Variants in CHCHD3 observed in about 807,000 individuals in gnomAD.
CHCHD3 encodes coiled-coil-helix-coiled-coil-helix domain containing 3.
In CHCHD3, 20 loss-of-function variants were observed where a neutral mutation model predicts 38.2. The ratio of observed to expected loss-of-function variants is 0.52; its 90% CI spans 0.37 to 0.76. The LOEUF is 0.76. CHCHD3 is among the 30% of genes least tolerant of loss of function. The probability of loss-of-function intolerance (pLI) is 0.00; values close to 1 mark genes in which losing one functional copy is unlikely to be tolerated. For missense variants in CHCHD3, 245 were observed against 279.2 expected, an observed-to-expected ratio of 0.88 and a Z score of 0.87; for synonymous variants, 82 against 100.0, an observed-to-expected ratio of 0.82 and a Z score of 1.07.
At chr7:133,018,703 GT>G (rs1813092553) in intron 3 of CHCHD3, among the ~76,000 whole-genome samples, 2 of 151,968 alleles carry the variant, frequency 1.3e-5, no homozygotes, top group South Asian at 4.2e-4. Flanking sequence ...GATAATTTAA[GT>G]TTTTATTTTA....
chr7:132,881,421 C>T (rs1049383602), intron 5 of CHCHD3, among the ~76,000 whole-genome samples: 3 of 152,074 alleles, frequency 2.0e-5, no homozygotes, highest in Non-Finnish European at 4.4e-5. Flanking sequence ...CTGCATCAAG[C>T]CAATATAAAT....
Position 132,975,228 on chromosome 7 carries a change from T to A in CHCHD3, c.310A>T (p.Arg104Ter). The A allele has an allele frequency of 6.2e-7, 1 of 1,612,876 alleles. No individual in the cohort carries two copies. The highest frequency in any genetic ancestry group is 1.1e-5 in the South Asian group (1 of 91,012). ...ERAAANEQLTRAILRERICSE... is the reference protein window; with the variant it reads ...ERAAANEQLT Reference sequence around the variant, plus strand: ...CATATCCTCTCCCGAAGGATGGCTCTGGTTAACTGCTCATTGGCAGCAGCC... The same window carrying A: ...CATATCCTCTCCCGAAGGATGGCTCAGGTTAACTGCTCATTGGCAGCAGCC... Residue 104 changes from arginine (R) to a stop codon, truncating the protein, a stop_gained, in exon 4 of 8, where the codon AGA becomes TGA. Coordinates refer to ENST00000262570, the MANE Select transcript of CHCHD3 (RefSeq NM_017812.4). LOFTEE classifies it high-confidence loss of function.
chr7:132,926,757 C>T (rs1810388084), intron 4 of CHCHD3, among the ~76,000 whole-genome samples: 1 of 152,082 alleles, frequency 6.6e-6, no homozygotes, highest in Admixed American at 6.5e-5. Context: ...TTCTAGATTA[C>T]TTCTATCTAA....
intron 7 of CHCHD3, among the ~76,000 whole-genome samples, chr7:132,787,707 G>A (rs998557927): frequency 2.6e-5 from 4 of 152,290 alleles, no homozygotes; most frequent in Admixed American, 2.0e-4. Flanking sequence ...ACAAGATGGT[G>A]TATTGGGTCA....
At chr7:133,078,549 A>G (rs1305578022) in intron 1 of CHCHD3, among the ~76,000 whole-genome samples, 1 of 152,170 alleles carries the variant, frequency 6.6e-6, no homozygotes, top group African/African-American at 2.4e-5. Flanking sequence ...AAGGGAATGA[A>G]CCCAAGTCAT....
intron 3 of CHCHD3, among the ~76,000 whole-genome samples, chr7:132,984,899 G>A (rs548702086): frequency 1.0e-5 from 1 of 96,232 alleles, no homozygotes; most frequent in Admixed American, 1.0e-4. Context: ...GGAGGGAGGT[G>A]GGGGGGTCAG....
At chr7:132,930,922 C>G (rs1302775322) in intron 4 of CHCHD3, among the ~76,000 whole-genome samples, 1 of 152,206 alleles carries the variant, frequency 6.6e-6, no homozygotes, top group Non-Finnish European at 1.5e-5. Flanking sequence ...AGTCCCATCT[C>G]CAGGGCCTGA....
At chr7:132,838,702 A>G (rs3807325) in intron 5 of CHCHD3, among the ~76,000 whole-genome samples, 44,555 of 152,170 alleles carry the variant, frequency 0.29, 6,584 homozygotes, top group East Asian at 0.37. Context: ...CACAGTTACA[A>G]TTCCTTATCA....
intron 3 of CHCHD3, among the ~76,000 whole-genome samples, chr7:133,022,899 G>A: frequency 7.2e-6 from 1 of 139,176 alleles, no homozygotes; most frequent in Non-Finnish European, 1.5e-5. Context: ...CAAAAAGCCT[G>A]CACCATATGG....
intron 3 of CHCHD3, among the ~76,000 whole-genome samples, chr7:133,007,312 T>A (rs1315807685): frequency 6.6e-6 from 1 of 152,242 alleles, no homozygotes; most frequent in East Asian, 1.9e-4. Flanking sequence ...ATTGTGCCCA[T>A]GTCTTTAGTT....
At chr7:133,050,633 A>G (rs952012545) in intron 2 of CHCHD3, among the ~76,000 whole-genome samples, 10 of 152,190 alleles carry the variant, frequency 6.6e-5, no homozygotes, top group Admixed American at 6.5e-5. Context: ...AACAACTCCA[A>G]TAAACATAAA....
chr7:133,082,066 G>T lies in CHCHD3; in HGVS notation c.-129C>A. ...AGCGGGAGCAAGGCCACGACCCCCAGAAGCAAGGAGAAGGCGCCGGTCCTG... is the reference window on the plus strand; with the variant it reads ...AGCGGGAGCAAGGCCACGACCCCCATAAGCAAGGAGAAGGCGCCGGTCCTG... On this transcript the variant is annotated 5_prime_UTR_variant, in exon 1 of 8. In the 5' UTR this introduces an upstream ATG that the reference lacks. Coordinates refer to ENST00000262570, the MANE Select transcript of CHCHD3 (RefSeq NM_017812.4). 1.3e-6 allele frequency: 1 copy of T among 779,310 alleles called. No individual in the cohort carries two copies. The highest frequency in any genetic ancestry group is 1.8e-5 in the African/African-American group (1 of 55,090). The allele number at this position is 779,310 out of a possible 1,614,324, so 48.3% of individuals were successfully genotyped here.
In CHCHD3 at chr7:132,844,296, C is replaced by CA. The variant is rs202193528; in HGVS notation, c.454-5828dup. 7.7e-3 allele frequency among the ~76,000 whole-genome samples: 1,166 copies of CA among 151,046 alleles called. 12 individuals are homozygous for CA. The highest frequency in any genetic ancestry group is 0.012 in the Non-Finnish European group (839 of 67,756). On this transcript the variant is annotated intron_variant, in intron 5 of 7. Transcript: ENST00000262570. ...CTTGGCGACAGAGCAAGACCTGTCT[C>CA]AAAAAAAACAAAAAAATGTGGAGAA...
rs550917116 is a variant in CHCHD3 at position 132,950,624 on chromosome 7, A to T, written c.369+24545T>A. 8.8e-4 allele frequency among the ~76,000 whole-genome samples: 134 copies of T among 152,316 alleles called. 2 individuals are homozygous for T. The South Asian group carries it at 0.015, about 17-fold the overall frequency. On this transcript the variant is annotated intron_variant, in intron 4 of 7. Coordinates refer to ENST00000262570, the MANE Select transcript of CHCHD3 (RefSeq NM_017812.4). ...GGAGTTAAGGGTGCTGGCAAACAGCAACTTTAAACATTTTTTTACATTAAA... is the reference window on the plus strand; with the variant it reads ...GGAGTTAAGGGTGCTGGCAAACAGCTACTTTAAACATTTTTTTACATTAAA...
intron 5 of CHCHD3, among the ~76,000 whole-genome samples, chr7:132,862,800 C>CT: frequency 6.6e-6 from 1 of 152,228 alleles, no homozygotes; most frequent in Admixed American, 6.5e-5. Flanking sequence ...TTCACATCAT[C>CT]TTTACCAACA....
At chr7:132,928,836 C>T (rs1810445902) in intron 4 of CHCHD3, among the ~76,000 whole-genome samples, 2 of 152,154 alleles carry the variant, frequency 1.3e-5, no homozygotes, top group Admixed American at 6.5e-5. Flanking sequence ...GTCATCCTTG[C>T]TTTTCTCCGT....
intron 3 of CHCHD3, among the ~76,000 whole-genome samples, chr7:133,008,059 C>A (rs1812749689): frequency 6.6e-6 from 1 of 152,170 alleles, no homozygotes; most frequent in Admixed American, 6.5e-5. Context: ...AAAATTGATT[C>A]TGTTTCTTTC....
intron 2 of CHCHD3, among the ~76,000 whole-genome samples, chr7:133,061,744 C>A (rs1309227525): frequency 6.6e-6 from 1 of 152,202 alleles, no homozygotes; most frequent in African/African-American, 2.4e-5. Flanking sequence ...AATTAAAACC[C>A]ATATTTCAAT....
rs144699933 is a variant in CHCHD3 at position 132,933,818 on chromosome 7, C to G, written c.369+41351G>C. Among the ~76,000 whole-genome samples the G allele has an allele frequency of 1.1e-4, 17 of 152,328 alleles. No individual in the cohort carries two copies. In the South Asian group the frequency reaches 2.9e-3, roughly 26 times the overall value. On this transcript the variant is annotated intron_variant, in intron 4 of 7. Coordinates refer to ENST00000262570, the MANE Select transcript of CHCHD3 (RefSeq NM_017812.4). The stretch of plus-strand genomic sequence containing the variant: ...TCTCATGTCTGAGCAGAAGAAGAGA[C>G]AATGTGCCAGGTCCTGGGGACACAC...
Sources: gnomAD v4.1 joint callset for allele counts (sites outside exome capture counted in the v4.1 genomes callset) on GRCh38, gnomAD v4.1.1 for gene constraint, MANE v1.5 for transcripts, NCBI Gene and HGNC (gene_info 2026-07-23, HGNC 2026-07-21) for gene names.